SSC5D: variants seen among roughly 807,000 people sequenced by gnomAD.
SSC5D encodes soluble scavenger receptor cysteine-rich domain-containing protein SSC5D.
SSC5D carries 106 observed loss-of-function variants against 104.6 expected under a neutral mutation model. The observed-to-expected ratio is 1.01, with a 90% CI of 0.87 to 1.19. The LOEUF (loss-of-function observed/expected upper bound fraction) is 1.19, where lower values mean the gene tolerates loss of function less well. Among genes scored for constraint, SSC5D ranks in the 50% most tolerant of loss-of-function variants. SSC5D has a pLI of 0.00. For synonymous variants in SSC5D, 860 were observed against 883.5 expected (o/e 0.97, Z 0.47); for missense variants, 1,993 against 2,153.8 (o/e 0.93, Z 1.48).
intron 13 of SSC5D, among the ~76,000 whole-genome samples, chr19:55,514,621 G>C (rs896257574): frequency 1.9e-4 from 29 of 150,330 alleles, no homozygotes; most frequent in African/African-American, 6.6e-4. Context: ...AAAAGAGAGA[G>C]AGAGAAGAAG....
intron 12 of SSC5D, among the ~76,000 whole-genome samples, chr19:55,508,987 C>G (rs1180507546): frequency 2.6e-5 from 4 of 151,774 alleles, no homozygotes; most frequent in Admixed American, 6.6e-5. Context: ...GAGGGCATGG[C>G]CTGTGGACTA....
At chr19:55,512,719 G>C (rs546185273) in intron 12 of SSC5D, among the ~76,000 whole-genome samples, 13 of 152,292 alleles carry the variant, frequency 8.5e-5, no homozygotes, top group African/African-American at 3.1e-4. Context: ...CTGACCTCAA[G>C]TGATCTGCCT....
rs911563252 is a variant in SSC5D at position 55,503,963 on chromosome 19, C to T, written c.2785+2762C>T. On this transcript the variant is annotated intron_variant, in intron 12 of 13. Transcript: ENST00000389623. The surrounding 1 kb of genome is among the most constrained non-coding windows in gnomAD (Gnocchi z 4.0). ...TCCTGATTGGCCAGCCGGCGCATCG[C>T]CCGCAGTAATAATAGCTGGGCGAAG... is the stretch of plus-strand genomic sequence containing the variant. Among the ~76,000 whole-genome samples the T allele has an allele frequency of 8.5e-5, 13 of 152,384 alleles. No individual in the cohort carries two copies. The highest frequency in any genetic ancestry group is 5.2e-4 in the Admixed American group (8 of 15,310).
chr19:55,501,401 C>T (rs992879486), intron 12 of SSC5D, among the ~76,000 whole-genome samples, 200 bp downstream of exon 12: 15 of 152,136 alleles, frequency 9.9e-5, no homozygotes, highest in Non-Finnish European at 1.5e-4. Context: ...CCAAGGACAC[C>T]ATCTAAGAGA....
chr19:55,488,654 G>A (rs891939713), intron 1 of SSC5D, 40 bp downstream of exon 1: 2 of 1,535,204 alleles, frequency 1.3e-6, no homozygotes, highest in Non-Finnish European at 1.8e-6. Flanking sequence ...GGGGGCCTAG[G>A]CCCCCACCTC....
At chr19:55,490,106 A>T (rs7257820) in intron 4 of SSC5D, 111 bp downstream of exon 4, 58 of 527,162 alleles carry the variant, frequency 1.1e-4, no homozygotes, top group Admixed American at 2.8e-4. Context: ...TCCTGCCCCC[A>T]CCGAGGGGAG....
intron 12 of SSC5D, among the ~76,000 whole-genome samples, chr19:55,507,213 G>A (rs1303364513): frequency 4.0e-5 from 6 of 151,126 alleles, no homozygotes; most frequent in African/African-American, 1.2e-4. Flanking sequence ...AAGCAGGGGC[G>A]TGCTCCTGTA....
chr19:55,507,339 C>CAA (rs36021371), intron 12 of SSC5D, among the ~76,000 whole-genome samples: 223 of 31,528 alleles, frequency 7.1e-3, no homozygotes, highest in Non-Finnish European at 8.7e-3. Context: ...GACCCCGTCT[C>CAA]AAAAAAAAAA....
chr19:55,517,571 A>G lies in SSC5D; in HGVS notation c.3295A>G (p.Thr1099Ala). The G allele has an allele frequency of 6.4e-7, 1 of 1,551,306 alleles. No individual in the cohort carries two copies. Among genetic ancestry groups the G allele is most frequent in the Non-Finnish European group, 8.7e-7 (1 of 1,146,924 alleles). Residue 1099 changes from threonine (T) to alanine (A), a missense_variant, in exon 14 of 14, where the codon ACC (threonine) becomes GCC (alanine). This residue lies in a region of SSC5D where 423 missense variants were observed against 409.2 expected (regional missense o/e 1.03). Coordinates refer to ENST00000389623, the MANE Select transcript of SSC5D (RefSeq NM_001144950.2). ...TPLPTLPKEL[T>A]SDPSTPSEVT... ...CTTACCCACCTTGCCCAAAGAGCTGACCTCTGACCCTTCTACACCGTCGGA... is the reference window on the plus strand; with the variant it reads ...CTTACCCACCTTGCCCAAAGAGCTGGCCTCTGACCCTTCTACACCGTCGGA...
chr19:55,498,727 G>A (rs1987392408), intron 9 of SSC5D, among the ~76,000 whole-genome samples: 3 of 152,232 alleles, frequency 2.0e-5, no homozygotes, highest in African/African-American at 7.2e-5. Context: ...CACAGCTCAT[G>A]TAGAGAAATA....
intron 7 of SSC5D, 93 bp from the exon 8 acceptor site, chr19:55,494,517 G>C: frequency 3.0e-6 from 4 of 1,343,186 alleles, no homozygotes; most frequent in Non-Finnish European, 4.0e-6. Context: ...GTGCAGCTGA[G>C]AGGACTGAGG....
At chr19:55,498,350 AGTCTAGGGTGGTG>A (rs1321789622) in intron 9 of SSC5D, among the ~76,000 whole-genome samples, 153 bp downstream of exon 9, 1 of 152,160 alleles carries the variant, frequency 6.6e-6, no homozygotes, top group African/African-American at 2.4e-5. Context: ...TCACATAATA[AGTCTAGGGTGGTG>A]TGTGTTATGC....
Position 55,518,618 on chromosome 19 carries a change from C to T in SSC5D, c.4342C>T (p.Pro1448Ser), listed in dbSNP as rs1413829414. 3.3e-6 allele frequency: 5 copies of T among 1,530,436 alleles called. No individual in the cohort carries two copies. The African/African-American group carries it at 4.1e-5, about 13-fold the overall frequency. 94.8% of individuals were successfully genotyped at this position (1,530,436 alleles called of 1,614,324 possible). The change falls in exon 14 of 14, where the codon CCC becomes TCC. Residue 1448 changes from proline (P) to serine (S), a missense_variant. Transcript: ENST00000389623. ...CCCCCTCCTTTCCCCCACAGCCCACCCCTTGGATCATCCTCCCCTTGACCC... is the reference window on the plus strand; with the variant it reads ...CCCCCTCCTTTCCCCCACAGCCCACTCCTTGGATCATCCTCCCCTTGACCC... The part of the protein sequence containing the change: ...PDPLLSPTAH[P>S]LDHPPLDPLT...
chr19:55,501,303 C>A, intron 12 of SSC5D, 102 bp downstream of exon 12: 2 of 1,349,068 alleles, frequency 1.5e-6, no homozygotes, highest in Non-Finnish European at 2.0e-6. Context: ...CTGGCTGAGG[C>A]CTCGGGGCAC....
At chr19:55,509,986 C>A (rs1987721870) in intron 12 of SSC5D, among the ~76,000 whole-genome samples, 1 of 151,104 alleles carries the variant, frequency 6.6e-6, no homozygotes, top group Admixed American at 6.6e-5. Context: ...AAGACGGCTT[C>A]AATTTGTGTT....
Position 55,498,078 on chromosome 19 carries a change from C to T in SSC5D, c.1586C>T (p.Pro529Leu), listed in dbSNP as rs948072013. ...GGCCGCTTTGGCTGGGGTGCGGGCCCCATCTGGCTAGATGATGTGGGCTGT... is the reference window on the plus strand; with the variant it reads ...GGCCGCTTTGGCTGGGGTGCGGGCCTCATCTGGCTAGATGATGTGGGCTGT... The part of the protein sequence containing the change: ...AAGRFGWGAG[P>L]IWLDDVGCVG... The change falls in exon 9 of 14, where the codon CCC becomes CTC. Residue 529 changes from proline to leucine, a missense_variant. Around this residue, in one of 6 missense-constraint regions of SSC5D, gnomAD observed 1,101 missense variants for 1,085.0 expected, o/e 1.01. Coordinates refer to ENST00000389623, the MANE Select transcript of SSC5D (RefSeq NM_001144950.2). 3 of 1,551,542 alleles carry T rather than the reference C, an allele frequency of 1.9e-6. No homozygotes were observed. In the African/African-American group the frequency reaches 4.1e-5, roughly 21 times the overall value.
intron 8 of SSC5D, among the ~76,000 whole-genome samples, chr19:55,496,254 C>T (rs911399458): frequency 1.3e-5 from 2 of 152,110 alleles, no homozygotes; most frequent in African/African-American, 4.8e-5. Context: ...GTGGTTTGCA[C>T]ACGAAAGGCA....
intron 8 of SSC5D, 120 bp downstream of exon 8, chr19:55,494,903 G>T (rs2123435451): frequency 8.3e-7 from 1 of 1,200,524 alleles, no homozygotes; most frequent in Middle Eastern, 2.0e-4. Flanking sequence ...AGGAGCACAG[G>T]GGCCTCGCCC....
chr19:55,493,947 CGTGGTGGTG>C, intron 7 of SSC5D, 35 bp downstream of exon 7: 1 of 1,002,368 alleles, frequency 1.0e-6, no homozygotes, highest in Non-Finnish European at 1.2e-6. Flanking sequence ...GGGAGGTGGG[CGTGGTGGTG>C]CTTGGAGCGG....
Sources: allele counts gnomAD v4.1 joint callset (sites outside exome capture counted in the v4.1 genomes callset), GRCh38; gene constraint gnomAD v4.1.1; regional missense constraint gnomAD v4.1.1; non-coding constraint Gnocchi (gnomAD v3.1); transcripts MANE v1.5; gene names NCBI Gene and HGNC (gene_info 2026-07-23, HGNC 2026-07-21).